ACCS: variants seen among roughly 807,000 people sequenced by gnomAD.
ACCS encodes 1-aminocyclopropane-1-carboxylate synthase-like protein 1.
Under a neutral mutation model 59.8 loss-of-function variants are expected in ACCS, and 42 were observed. The observed-to-expected ratio is 0.70, with a 90% CI of 0.55 to 0.91. The LOEUF is 0.91. Ranked by LOEUF, ACCS falls within the 40% of genes least tolerant of loss-of-function variation. The pLI is 0.00. For missense variants in ACCS, 602 were observed against 630.4 expected, an observed-to-expected ratio of 0.95 and a Z score of 0.48; for synonymous variants, 230 against 240.3, an observed-to-expected ratio of 0.96 and a Z score of 0.40.
chr11:44,069,713 G>T, intron 2 of ACCS, among the ~76,000 whole-genome samples: 1 of 152,202 alleles, frequency 6.6e-6, no homozygotes, highest in East Asian at 1.9e-4. Flanking sequence ...TCACAGAATT[G>T]CCTCATGGCA....
chr11:44,074,624 A>C lies in ACCS; in HGVS notation c.432A>C (p.Glu144Asp), dbSNP rs752846711. 14 of 1,612,984 alleles carry C rather than the reference A, an allele frequency of 8.7e-6. No homozygotes were observed. Among genetic ancestry groups the C allele is most frequent in the Non-Finnish European group, 1.1e-5 (13 of 1,179,482 alleles). ...GTCTTATCTTCAGCCTCCGGGAGGA[A>C]GTGGCCAAGTTCCTGTCTTTCTACT... ...DWRGHLFLRE[E>D]VAKFLSFYCK... The change falls in exon 5 of 15, where the codon GAA becomes GAC. Residue 144 changes from glutamate (E) to aspartate (D), a missense_variant. Physicochemically the swap from Glu to Asp is conservative, Grantham distance 45. Coordinates refer to ENST00000263776, the MANE Select transcript of ACCS (RefSeq NM_032592.4).
chr11:44,079,644 C>A (rs1437612881), intron 10 of ACCS, 24 bp downstream of exon 10: 1 of 1,584,300 alleles, frequency 6.3e-7, no homozygotes, highest in Non-Finnish European at 8.6e-7. Flanking sequence ...ACACAGCTAA[C>A]TCCCCCAGTC....
At chr11:44,076,948 C>T (rs966127007) in intron 6 of ACCS, among the ~76,000 whole-genome samples, 2 of 152,274 alleles carry the variant, frequency 1.3e-5, no homozygotes, top group African/African-American at 2.4e-5. Context: ...CATCAGATCT[C>T]GTGAGACTTA....
At chr11:44,067,437 C>T (rs969242471) in intron 1 of ACCS, 191 bp from the exon 2 acceptor site, 14 of 608,402 alleles carry the variant, frequency 2.3e-5, no homozygotes, top group African/African-American at 5.6e-5. Flanking sequence ...CGTACTAGGT[C>T]CTTAACAGAT....
intron 12 of ACCS, among the ~76,000 whole-genome samples, chr11:44,082,710 C>A (rs1170432193): frequency 6.6e-6 from 1 of 152,108 alleles, no homozygotes; most frequent in Non-Finnish European, 1.5e-5. Context: ...TAAATGTACA[C>A]ATGTATTAGA....
At position 44,077,153 on chromosome 11, in the gene ACCS, G is replaced by A. The variant is rs1953403734; in HGVS notation, c.557-126G>A. The A allele has an allele frequency of 3.8e-6, 4 of 1,058,906 alleles. No individual in the cohort carries two copies. The Admixed American group carries it at 7.3e-5, about 19-fold the overall frequency. The allele number at this position is 1,058,906 out of a possible 1,614,324, so 65.6% of individuals were successfully genotyped here. A position where few individuals can be genotyped will look rare whatever the true frequency, so the allele number is the denominator to read the frequency against. ...TTCCAAAGTGTTTTGGGAGTTAAGA[G>A]TGCAAGTATGCCCCAAACGGTCCCC... is the stretch of plus-strand genomic sequence containing the variant. On this transcript the variant is annotated intron_variant, in intron 6 of 14. Coordinates refer to ENST00000263776, the MANE Select transcript of ACCS (RefSeq NM_032592.4).
intron 3 of ACCS, among the ~76,000 whole-genome samples, chr11:44,072,724 G>A (rs772157946): frequency 1.3e-5 from 2 of 152,104 alleles, no homozygotes; most frequent in Non-Finnish European, 2.9e-5. Context: ...AAAATCCAGT[G>A]TGTCTTAATT....
chr11:44,071,602 A>G (rs2134827882), intron 3 of ACCS: 1 of 341,772 alleles, frequency 2.9e-6, no homozygotes, highest in South Asian at 7.9e-5. Flanking sequence ...TTTGTGGTGT[A>G]GGTATTTAGC....
intron 12 of ACCS, 139 bp downstream of exon 12, chr11:44,081,459 G>T (rs922931751): frequency 7.4e-7 from 1 of 1,359,574 alleles, no homozygotes. Flanking sequence ...CCCCGACTGG[G>T]TCCATACCCT....
Position 44,078,727 on chromosome 11 carries a change from C to T in ACCS, c.776C>T (p.Pro259Leu). ...KGLILISPQN[P>L]LGDVYSPEEL... is the part of the protein sequence containing the mutation. ...CTCATCCTCATCAGCCCCCAGAACC[C>T]TCTGGGTGATGTATACTCCCCTGAA... The change falls in exon 9 of 15, where the codon CCT (proline) becomes CTT (leucine). Residue 259 changes from proline (P) to leucine (L), a missense_variant. Pro to Leu is a moderately conservative substitution (Grantham distance 98). Coordinates refer to ENST00000263776, the MANE Select transcript of ACCS (RefSeq NM_032592.4). 1 of 1,614,106 alleles carries T rather than the reference C, an allele frequency of 6.2e-7. No individual in the cohort carries two copies. The highest frequency in any genetic ancestry group is 8.5e-7 in the Non-Finnish European group (1 of 1,180,028).
rs1359354739 is a variant in ACCS at position 44,079,044 on chromosome 11, AATCCTCACAACAAT to A, written c.833+261_833+274del. On this transcript the variant is annotated intron_variant, in intron 9 of 14. Coordinates refer to ENST00000263776, the MANE Select transcript of ACCS (RefSeq NM_032592.4). ...GCTAAGCACTTTATGTGCCTCATAC[AATCCTCACAACAAT>A]GCTATCATACAATCCTCACAACAAC... is the stretch of plus-strand genomic sequence containing the variant. 1.9e-5 allele frequency: 9 copies of A among 473,300 alleles called. No individual in the cohort carries two copies. In the African/African-American group the frequency reaches 2.0e-4, roughly 11 times the overall value. The allele number at this position is 473,300 out of a possible 1,614,324, so 29.3% of individuals were successfully genotyped here.
intron 8 of ACCS, 37 bp from the exon 9 acceptor site, chr11:44,078,647 A>C: frequency 2.5e-4 from 395 of 1,591,824 alleles, no homozygotes; most frequent in Non-Finnish European, 3.0e-4. Context: ...GCCTTGGGGA[A>C]GAGCTGAGGG....
At chr11:44,072,081 A>T (rs1362305520) in intron 3 of ACCS, 1 of 152,164 alleles carries the variant, frequency 6.6e-6, no homozygotes, top group Non-Finnish European at 1.5e-5. Context: ...GCAATCCTTA[A>T]CCCAAAGGAA....
intron 6 of ACCS, among the ~76,000 whole-genome samples, chr11:44,076,626 G>T (rs1222931539): frequency 6.6e-6 from 1 of 152,240 alleles, no homozygotes; most frequent in Non-Finnish European, 1.5e-5. Context: ...ACCTCCTTCG[G>T]AGACTAATTG....
intron 2 of ACCS, among the ~76,000 whole-genome samples, chr11:44,069,044 G>A (rs1347206152): frequency 1.3e-5 from 2 of 152,130 alleles, no homozygotes; most frequent in South Asian, 4.1e-4. Context: ...GTCACAGAAG[G>A]CTATTTTAAT....
At position 44,083,127 on chromosome 11, in the gene ACCS, G is replaced by T. The variant is rs199980227; in HGVS notation, c.1112-42G>T. ...TTAGACTAGTGGGACCAAGTAGAGGGTTGATGGGATATTGATCTTCTGGCC... is the reference window on the plus strand; with the variant it reads ...TTAGACTAGTGGGACCAAGTAGAGGTTTGATGGGATATTGATCTTCTGGCC... On this transcript the variant is annotated intron_variant, in intron 12 of 14. Transcript: ENST00000263776. The T allele has an allele frequency of 1.5e-5, 24 of 1,593,318 alleles. No individual in the cohort carries two copies. The East Asian group carries it at 5.0e-4, about 33-fold the overall frequency.
chr11:44,071,890 A>G (rs1408812957), intron 3 of ACCS, among the ~76,000 whole-genome samples: 1 of 152,216 alleles, frequency 6.6e-6, no homozygotes, highest in East Asian at 1.9e-4. Flanking sequence ...AATGTATTTC[A>G]TTGTCAGTTT....
intron 4 of ACCS, 146 bp downstream of exon 4, chr11:44,073,663 T>A: frequency 1.4e-6 from 1 of 740,178 alleles, no homozygotes; most frequent in Non-Finnish European, 2.2e-6. Context: ...TTCTACAATG[T>A]ACAGGACAGC....
intron 9 of ACCS, 102 bp downstream of exon 9, chr11:44,078,886 T>A: frequency 2.1e-6 from 2 of 943,914 alleles, no homozygotes; most frequent in South Asian, 1.5e-5. Context: ...CACTGTGGGC[T>A]GCTACTTGCT....
Sources: gnomAD v4.1 joint callset for allele counts (sites outside exome capture counted in the v4.1 genomes callset) on GRCh38, gnomAD v4.1.1 for gene constraint, MANE v1.5 for transcripts, NCBI Gene and HGNC (gene_info 2026-07-23, HGNC 2026-07-21) for gene names.